SGCZ: variants seen among roughly 807,000 people sequenced by gnomAD.
The protein encoded by SGCZ is zeta-sarcoglycan.
A neutral mutation model predicts 41.3 loss-of-function variants in SGCZ; 40 were observed. The observed-to-expected ratio is 0.97, with a 90% CI of 0.75 to 1.26. SGCZ has a LOEUF of 1.26. Among genes scored for constraint, SGCZ ranks in the 50% most tolerant of loss-of-function variants. The probability of loss-of-function intolerance (pLI) is 0.00; values close to 1 mark genes in which losing one functional copy is unlikely to be tolerated. For missense variants in SGCZ, 552 were observed against 369.8 expected (o/e 1.49, Z -4.04); for synonymous variants, 206 against 137.5 (o/e 1.50, Z -3.49).
At chr8:14,950,242 C>T (rs1413661186) in intron 1 of SGCZ, among the ~76,000 whole-genome samples, 5 of 152,128 alleles carry the variant, frequency 3.3e-5, no homozygotes, top group Admixed American at 6.6e-5. Context: ...AGGGTCTTTA[C>T]GGGAAACAAT....
chr8:14,608,706 G>T (rs898266073), intron 1 of SGCZ, among the ~76,000 whole-genome samples: 3 of 151,988 alleles, frequency 2.0e-5, no homozygotes, highest in Admixed American at 6.6e-5. Flanking sequence ...TAAATGGCTT[G>T]GTATGGGGGA....
intron 5 of SGCZ, among the ~76,000 whole-genome samples, chr8:14,159,312 C>A (rs1272571883): frequency 6.6e-6 from 1 of 151,970 alleles, no homozygotes; most frequent in Non-Finnish European, 1.5e-5. Context: ...CCCATTTCAC[C>A]TGTTATTTAA....
intron 1 of SGCZ, among the ~76,000 whole-genome samples, chr8:14,618,550 G>T (rs1460380789): frequency 6.6e-6 from 1 of 152,172 alleles, no homozygotes; most frequent in Non-Finnish European, 1.5e-5. Flanking sequence ...AAAGTAACAA[G>T]AGTGGAAATA....
chr8:14,636,082 A>T lies in SGCZ; in HGVS notation c.40-81156T>A, dbSNP rs184133333. 6.1e-3 allele frequency among the ~76,000 whole-genome samples: 904 copies of T among 148,608 alleles called. 12 individuals carry two copies. The highest frequency in any genetic ancestry group is 9.3e-3 in the Non-Finnish European group (628 of 67,222). On this transcript the variant is annotated intron_variant, in intron 1 of 7. Transcript: ENST00000382080. ...CTAGTAAAGGGGCAATTGAAATGGC[A>T]TATAAAAAAATCTAGAGATGAATAA... is the stretch of plus-strand genomic sequence containing the variant.
At chr8:14,476,793 C>T (rs924804030) in intron 2 of SGCZ, among the ~76,000 whole-genome samples, 3 of 152,126 alleles carry the variant, frequency 2.0e-5, no homozygotes, top group Non-Finnish European at 2.9e-5. Flanking sequence ...AAATCCACTA[C>T]GGTTTGACTT....
chr8:14,847,110 AAAGAAGAAG>A (rs1314208680), intron 1 of SGCZ, among the ~76,000 whole-genome samples: 1 of 142,250 alleles, frequency 7.0e-6, no homozygotes, highest in Non-Finnish European at 1.5e-5. Context: ...AAGAAAGAAG[AAAGAAGAAG>A]AAGAAGAAAG....
At chr8:14,425,906 G>T (rs73517413) in intron 2 of SGCZ, among the ~76,000 whole-genome samples, 2,843 of 152,150 alleles carry the variant, frequency 0.019, 86 homozygotes, top group African/African-American at 0.064. Context: ...AAGGTTCAGG[G>T]AAGTAAAGAA....
intron 2 of SGCZ, among the ~76,000 whole-genome samples, chr8:14,466,707 A>T (rs1274547647): frequency 2.6e-5 from 4 of 151,560 alleles, no homozygotes; most frequent in African/African-American, 7.3e-5. Context: ...AGTTTGTGGA[A>T]TTTTTTACTC....
chr8:14,841,226 T>C (rs1267435332), intron 1 of SGCZ, among the ~76,000 whole-genome samples: 1 of 152,082 alleles, frequency 6.6e-6, no homozygotes, highest in Non-Finnish European at 1.5e-5. Flanking sequence ...GTATCAACCA[T>C]CAAATGTAAA....
chr8:14,263,886 T>C (rs902357544), intron 3 of SGCZ, among the ~76,000 whole-genome samples: 7 of 152,176 alleles, frequency 4.6e-5, no homozygotes, highest in African/African-American at 1.7e-4. Flanking sequence ...AGGGAAGTAA[T>C]TGCAGGACTT....
chr8:14,738,717 C>G (rs1241221864), intron 1 of SGCZ, among the ~76,000 whole-genome samples: 2 of 152,064 alleles, frequency 1.3e-5, no homozygotes, highest in African/African-American at 2.4e-5. Flanking sequence ...ATCCCAAGGA[C>G]ATACAATGGT....
intron 4 of SGCZ, 54 bp from the exon 5 acceptor site, chr8:14,164,756 C>A (rs866233606): frequency 6.3e-7 from 1 of 1,589,770 alleles, no homozygotes; most frequent in African/African-American, 1.4e-5. Flanking sequence ...AAACCATTAA[C>A]ATGTATTTTT....
chr8:14,110,147 C>G (rs999563826), intron 5 of SGCZ, among the ~76,000 whole-genome samples: 1 of 151,992 alleles, frequency 6.6e-6, no homozygotes, highest in Admixed American at 6.6e-5. Flanking sequence ...TGAGGTAACA[C>G]TAATTTTGTG....
intron 5 of SGCZ, among the ~76,000 whole-genome samples, chr8:14,112,693 T>A (rs945192333): frequency 3.9e-5 from 6 of 152,140 alleles, no homozygotes; most frequent in Non-Finnish European, 7.4e-5. Context: ...GGCCAAGTAT[T>A]TAAAGCCCTT....
intron 2 of SGCZ, among the ~76,000 whole-genome samples, chr8:14,490,939 T>A (rs1801824496): frequency 6.6e-6 from 1 of 152,246 alleles, no homozygotes; most frequent in South Asian, 2.1e-4. Context: ...TTGACAGCCA[T>A]ATAATTCTTA....
At position 14,237,680 on chromosome 8, in the gene SGCZ, C is replaced by G. The variant is rs776238748; in HGVS notation, c.337-1G>C. On this transcript the variant is annotated splice_acceptor_variant, in intron 3 of 7. Transcript: ENST00000382080. LOFTEE classifies it high-confidence loss of function. ...CAGACTGTAAGACCAGCGGACTATC[C>G]TGGGAAACATGTATAAAATAAATAA... 1 of 1,608,526 alleles carries G rather than the reference C, an allele frequency of 6.2e-7. No homozygotes were observed. The highest frequency in any genetic ancestry group is 1.7e-5 in the Admixed American group (1 of 59,082).
intron 1 of SGCZ, among the ~76,000 whole-genome samples, chr8:14,997,503 G>A (rs1170605018): frequency 6.6e-6 from 1 of 152,208 alleles, no homozygotes; most frequent in East Asian, 1.9e-4. Flanking sequence ...CTTTTATTAT[G>A]GCAAAATTTA....
intron 1 of SGCZ, among the ~76,000 whole-genome samples, chr8:14,707,101 T>A (rs148196225): frequency 0.018 from 2,664 of 151,828 alleles, 34 homozygotes; most frequent in South Asian, 0.066. Flanking sequence ...TTGTTGCATA[T>A]ATATACATGT....
intron 4 of SGCZ, among the ~76,000 whole-genome samples, chr8:14,170,762 T>C (rs1804354518): frequency 6.6e-6 from 1 of 152,218 alleles, no homozygotes; most frequent in Middle Eastern, 3.4e-3. Context: ...CACCTCATAG[T>C]CATTCAAATA....
Sources: allele counts gnomAD v4.1 joint callset (sites outside exome capture counted in the v4.1 genomes callset), GRCh38; gene constraint gnomAD v4.1.1; transcripts MANE v1.5; gene names NCBI Gene and HGNC (gene_info 2026-07-23, HGNC 2026-07-21).